PTPN20: variants seen among roughly 807,000 people sequenced by gnomAD.
PTPN20 encodes the protein protein tyrosine phosphatase non-receptor type 20, also known as tyrosine-protein phosphatase non-receptor type 20.
PTPN20 carries 9 observed loss-of-function variants against 35.0 expected under a neutral mutation model. The ratio of observed to expected loss-of-function variants is 0.26; its 90% CI spans 0.15 to 0.45. PTPN20 has a LOEUF of 0.45. Ranked by LOEUF, PTPN20 falls within the 20% of genes least tolerant of loss-of-function variation. PTPN20 has a pLI of 1.00. For missense variants in PTPN20, 111 were observed against 312.5 expected, an observed-to-expected ratio of 0.36 and a Z score of 4.86; for synonymous variants, 32 against 100.2, an observed-to-expected ratio of 0.32 and a Z score of 4.06.
intron 2 of PTPN20, among the ~76,000 whole-genome samples, chr10:46,933,421 G>A (rs2133299912): frequency 6.6e-6 from 1 of 151,522 alleles, no homozygotes; most frequent in South Asian, 2.1e-4. Flanking sequence ...TATTCATCTT[G>A]TGTAACTGTT....
intron 2 of PTPN20, among the ~76,000 whole-genome samples, chr10:46,937,609 C>A (rs1309394607): frequency 6.7e-6 from 1 of 150,006 alleles, no homozygotes; most frequent in Non-Finnish European, 1.5e-5. Context: ...TTTCCTTCTG[C>A]CTTATCTGCT....
In PTPN20 at chr10:47,000,826, G is replaced by A. The variant is rs1565656832; in HGVS notation, c.*85G>A. 6.8e-7 allele frequency: 1 copy of A among 1,478,440 alleles called. No individual in the cohort carries two copies. The highest frequency in any genetic ancestry group is 9.5e-7 in the Non-Finnish European group (1 of 1,056,784). The allele number at this position is 1,478,440 out of a possible 1,614,324, so 91.6% of individuals were successfully genotyped here. A position where few individuals can be genotyped will look rare whatever the true frequency, so the allele number is the denominator to read the frequency against. The stretch of plus-strand genomic sequence containing the variant: ...GAACATGTTTGCACTGTGCTGAAGG[G>A]CTTTGCTATGCATACAATCTGCTTT... On this transcript the variant is annotated 3_prime_UTR_variant, in exon 11 of 11. Coordinates refer to ENST00000374339, the MANE Select transcript of PTPN20 (RefSeq NM_001042357.5).
chr10:46,947,457 T>C (rs1214693956), intron 5 of PTPN20, among the ~76,000 whole-genome samples: 68 of 150,576 alleles, frequency 4.5e-4, no homozygotes, highest in Non-Finnish European at 4.9e-4. Flanking sequence ...TATAAGAATA[T>C]GCTTTTATAA....
chr10:46,999,971 G>A lies in PTPN20; in HGVS notation c.1194G>A (p.Thr398=), dbSNP rs1317409014. 6.8e-6 allele frequency: 11 copies of A among 1,613,726 alleles called. No individual in the cohort carries two copies. Among genetic ancestry groups the A allele is most frequent in the African/African-American group, 1.3e-5 (1 of 75,036 alleles). ...AACAACGTTCTGGCATGGTTCAAAC[G>A]AAGGTAAGCTTTCACCACATACATA... ...MREQRSGMVQ[T]KEQYHFCYDI... is the part of the protein sequence containing the mutation. Residue 398 remains threonine (T), a synonymous_variant, in exon 10 of 11, where the codon ACG becomes ACA. Transcript: ENST00000374339.
chr10:46,976,756 A>G (rs1402962720), intron 7 of PTPN20, among the ~76,000 whole-genome samples: 8 of 83,474 alleles, frequency 9.6e-5, no homozygotes, highest in South Asian at 3.4e-4. Context: ...TTTAGTTTCT[A>G]TGAATTTTAG....
chr10:46,929,688 G>A, intron 1 of PTPN20, among the ~76,000 whole-genome samples: 1 of 149,414 alleles, frequency 6.7e-6, no homozygotes, highest in Non-Finnish European at 1.5e-5. Context: ...TCCAACCCGA[G>A]GAGATGAGTC....
rs1301608340 is a variant in PTPN20 at position 46,940,036 on chromosome 10, T to C, written c.35-587T>C. ...ACTGAGATCAGAGAAAATTTTCTCT[T>C]GGCTTCTTATCTGAAAGAGTCTGTG... On this transcript the variant is annotated intron_variant, in intron 2 of 10. Coordinates refer to ENST00000374339, the MANE Select transcript of PTPN20 (RefSeq NM_001042357.5). Among the ~76,000 whole-genome samples, 1,022 of 139,454 alleles carry C rather than the reference T, an allele frequency of 7.3e-3. 15 individuals are homozygous for C. Among genetic ancestry groups the C allele is most frequent in the African/African-American group, 0.025 (977 of 39,726 alleles). 91.5% of individuals were successfully genotyped at this position (139,454 alleles called of 152,430 possible).
chr10:46,937,546 G>A (rs1470761009), intron 2 of PTPN20, among the ~76,000 whole-genome samples: 7 of 150,322 alleles, frequency 4.7e-5, no homozygotes, highest in African/African-American at 1.7e-4. Flanking sequence ...TTTCGCTACT[G>A]TGCGCTTCAT....
intron 2 of PTPN20, among the ~76,000 whole-genome samples, chr10:46,936,337 A>G (rs2041649799): frequency 6.6e-6 from 1 of 152,018 alleles, no homozygotes; most frequent in Admixed American, 6.6e-5. Flanking sequence ...CATCTGGTAG[A>G]ATTTGACTGT....
At chr10:46,928,466 C>G (rs1161594449) in intron 1 of PTPN20, among the ~76,000 whole-genome samples, 2 of 152,082 alleles carry the variant, frequency 1.3e-5, no homozygotes, top group East Asian at 3.9e-4. Context: ...TTCTTCCTTC[C>G]CAATATGAAT....
At chr10:46,988,778 C>T (rs1183643233) in intron 9 of PTPN20, among the ~76,000 whole-genome samples, 2 of 151,402 alleles carry the variant, frequency 1.3e-5, no homozygotes, top group East Asian at 3.9e-4. Flanking sequence ...CTCTTCGTTT[C>T]TTTCATCAGT....
At chr10:46,972,243 G>C (rs1463535448) in intron 7 of PTPN20, among the ~76,000 whole-genome samples, 1 of 151,144 alleles carries the variant, frequency 6.6e-6, no homozygotes, top group African/African-American at 2.4e-5. Context: ...ATCAAGAAGA[G>C]GACAAATAAC....
At chr10:46,950,195 T>C (rs1270861068) in intron 5 of PTPN20, among the ~76,000 whole-genome samples, 1 of 149,034 alleles carries the variant, frequency 6.7e-6, no homozygotes, top group Non-Finnish European at 1.5e-5. Flanking sequence ...TCTTTCCTTT[T>C]TCTACCAGAA....
intron 2 of PTPN20, among the ~76,000 whole-genome samples, chr10:46,937,687 A>G (rs1185313380): frequency 2.0e-5 from 3 of 151,896 alleles, no homozygotes; most frequent in Admixed American, 2.0e-4. Flanking sequence ...CATGATTTAT[A>G]TCTCTTTTTA....
chr10:46,993,771 G>C (rs1224677971), intron 9 of PTPN20, among the ~76,000 whole-genome samples: 1 of 152,094 alleles, frequency 6.6e-6, no homozygotes, highest in Non-Finnish European at 1.5e-5. Context: ...AGCTATTACG[G>C]CTTTTTATGA....
intron 2 of PTPN20, among the ~76,000 whole-genome samples, chr10:46,935,933 C>T (rs2041463263): frequency 6.6e-6 from 1 of 151,138 alleles, no homozygotes; most frequent in Non-Finnish European, 1.5e-5. Context: ...ATAAGTGTTC[C>T]CTTTTCTCTG....
chr10:46,977,148 G>A (rs1200394265), intron 7 of PTPN20, among the ~76,000 whole-genome samples: 1 of 152,274 alleles, frequency 6.6e-6, no homozygotes, highest in Non-Finnish European at 1.5e-5. Context: ...GTCAGTTGAA[G>A]TCATTAAGAA....
At chr10:46,994,660 T>C (rs1324768236) in intron 9 of PTPN20, among the ~76,000 whole-genome samples, 1 of 152,162 alleles carries the variant, frequency 6.6e-6, no homozygotes, top group African/African-American at 2.4e-5. Context: ...TGAATATTTA[T>C]ATCTGTTGCA....
chr10:46,918,575 G>T, intron 1 of PTPN20, among the ~76,000 whole-genome samples: 1 of 119,626 alleles, frequency 8.4e-6, no homozygotes, highest in African/African-American at 4.2e-5. Context: ...TTTTGATGTT[G>T]TATTTTTACC....
Sources: allele counts gnomAD v4.1 joint callset (sites outside exome capture counted in the v4.1 genomes callset), GRCh38; gene constraint gnomAD v4.1.1; transcripts MANE v1.5; gene names NCBI Gene and HGNC (gene_info 2026-07-23, HGNC 2026-07-21).